The following RGS21 variants were observed in gnomAD, a reference collection of about 807,000 sequenced individuals.
RGS21 encodes the protein regulator of G protein signaling 21.
RGS21 carries 19 observed loss-of-function variants against 18.7 expected under a neutral mutation model. The observed-to-expected ratio is 1.01, with a 90% CI of 0.71 to 1.49. RGS21 has a LOEUF of 1.49. Ranked by LOEUF, RGS21 falls within the 40% of genes most tolerant of loss-of-function variation. The pLI, the probability that RGS21 is intolerant of heterozygous loss-of-function variation, is 0.00. For missense variants in RGS21, 194 were observed against 176.8 expected (o/e 1.10, Z -0.55); for synonymous variants, 56 against 57.8 (o/e 0.97, Z 0.14).
intron 3 of RGS21, among the ~76,000 whole-genome samples, chr1:192,350,146 T>C (rs979040650): frequency 2.7e-4 from 41 of 152,120 alleles, no homozygotes; most frequent in African/African-American, 9.9e-4. Context: ...TTTTATATAG[T>C]GCTCATATAT....
At chr1:192,356,451 G>A (rs1659114012) in intron 4 of RGS21, among the ~76,000 whole-genome samples, 1 of 151,648 alleles carries the variant, frequency 6.6e-6, no homozygotes, top group African/African-American at 2.4e-5. Context: ...CAATACAGTT[G>A]GGTTAAAAAA....
At chr1:192,339,939 A>T (rs1658832314) in intron 1 of RGS21, among the ~76,000 whole-genome samples, 1 of 151,982 alleles carries the variant, frequency 6.6e-6, no homozygotes, top group African/African-American at 2.4e-5. Flanking sequence ...TTGACAAATA[A>T]AACATATATT....
intron 1 of RGS21, among the ~76,000 whole-genome samples, chr1:192,327,498 G>A (rs1033571997): frequency 7.3e-5 from 11 of 151,534 alleles, no homozygotes; most frequent in African/African-American, 2.7e-4. Flanking sequence ...TTGAGACGGA[G>A]GTTCACTCTT....
At position 192,331,238 on chromosome 1, in the gene RGS21, T is replaced by A. The variant is rs192284522; in HGVS notation, c.-60-11739T>A. ...CAAAAAGTTGTAAGTGATCTGATTT[T>A]AAAAAAAAATCTATTTTAAATAAAT... On this transcript the variant is annotated intron_variant, in intron 1 of 4. Transcript: ENST00000417209. 4.8e-3 allele frequency among the ~76,000 whole-genome samples: 728 copies of A among 151,900 alleles called. 4 individuals are homozygous for A. Among genetic ancestry groups the A allele is most frequent in the African/African-American group, 0.016 (666 of 41,414 alleles).
chr1:192,340,908 G>C (rs749150251), intron 1 of RGS21, among the ~76,000 whole-genome samples: 1 of 151,998 alleles, frequency 6.6e-6, no homozygotes, highest in Non-Finnish European at 1.5e-5. Context: ...TCTCCCTCCA[G>C]GTACCTCCCA....
At chr1:192,322,736 C>CCCTTCTAAGACA (rs1247771543) in intron 1 of RGS21, among the ~76,000 whole-genome samples, 3 of 152,062 alleles carry the variant, frequency 2.0e-5, no homozygotes, top group African/African-American at 7.2e-5. Context: ...TATTTGTTCA[C>CCCTTCTAAGACA]CCTTCTAAAA....
At chr1:192,332,985 A>G (rs1053621350) in intron 1 of RGS21, among the ~76,000 whole-genome samples, 2 of 152,104 alleles carry the variant, frequency 1.3e-5, no homozygotes, top group Non-Finnish European at 2.9e-5. Flanking sequence ...AAAAAATAAC[A>G]ACTAACAATT....
At chr1:192,364,222 G>T (rs1308389512) in intron 4 of RGS21, among the ~76,000 whole-genome samples, 1 of 151,990 alleles carries the variant, frequency 6.6e-6, no homozygotes. Context: ...CAGATTTTCA[G>T]GCCTTTAAGA....
At chr1:192,333,284 A>ACACACACT (rs1658687737) in intron 1 of RGS21, among the ~76,000 whole-genome samples, 1 of 151,788 alleles carries the variant, frequency 6.6e-6, no homozygotes, top group Non-Finnish European at 1.5e-5. Context: ...ACACACACAC[A>ACACACACT]CACACACACA....
intron 4 of RGS21, among the ~76,000 whole-genome samples, chr1:192,358,867 C>T (rs1659145185): frequency 6.6e-6 from 1 of 152,038 alleles, no homozygotes; most frequent in East Asian, 1.9e-4. Context: ...TTTCAGTTAA[C>T]AAAAATCACA....
At position 192,366,048 on chromosome 1, in the gene RGS21, T is replaced by C; in HGVS notation, c.383T>C (p.Leu128Pro). 2.5e-6 allele frequency: 4 copies of C among 1,611,952 alleles called. No homozygotes were observed. The highest frequency in any genetic ancestry group is 3.4e-6 in the Non-Finnish European group (4 of 1,178,602). Residue 128 changes from leucine to proline, a missense_variant, in exon 5 of 5, where the codon CTG (leucine) becomes CCG (proline). Coordinates refer to ENST00000417209, the MANE Select transcript of RGS21 (RefSeq NM_001039152.3). ...LMAKDSFPRF[L>P]KSEIYKKLVN... Reference sequence around the variant, plus strand: ...GCCAAGGATTCTTTCCCTCGATTTCTGAAGTCAGAGATTTATAAAAAACTG... The same window carrying C: ...GCCAAGGATTCTTTCCCTCGATTTCCGAAGTCAGAGATTTATAAAAAACTG...
At chr1:192,336,787 T>A (rs869219594) in intron 1 of RGS21, among the ~76,000 whole-genome samples, 2 of 151,522 alleles carry the variant, frequency 1.3e-5, no homozygotes, top group Non-Finnish European at 1.5e-5. Flanking sequence ...TAAAAAAAAA[T>A]GATATGAAAG....
chr1:192,333,074 A>T (rs1395757334), intron 1 of RGS21, among the ~76,000 whole-genome samples: 1 of 152,184 alleles, frequency 6.6e-6, no homozygotes, highest in East Asian at 1.9e-4. Context: ...AAAAGGGTCA[A>T]CATCACGAGC....
intron 4 of RGS21, among the ~76,000 whole-genome samples, chr1:192,358,670 T>C (rs2102237301): frequency 6.6e-6 from 1 of 152,220 alleles, no homozygotes; most frequent in South Asian, 2.1e-4. Flanking sequence ...GCTATCTAAT[T>C]TGAATGTGAG....
At chr1:192,347,782 C>A (rs1288086841) in intron 3 of RGS21, among the ~76,000 whole-genome samples, 1 of 152,084 alleles carries the variant, frequency 6.6e-6, no homozygotes, top group Non-Finnish European at 1.5e-5. Context: ...GACTCAGCCT[C>A]CTGAGTAGCT....
At chr1:192,330,458 C>A (rs901530597) in intron 1 of RGS21, among the ~76,000 whole-genome samples, 2 of 152,086 alleles carry the variant, frequency 1.3e-5, no homozygotes, top group African/African-American at 4.8e-5. Context: ...GAAATAAAAT[C>A]TAGAAAATCA....
At chr1:192,339,201 T>C (rs942865731) in intron 1 of RGS21, among the ~76,000 whole-genome samples, 9 of 150,504 alleles carry the variant, frequency 6.0e-5, no homozygotes, top group Admixed American at 1.3e-4. Context: ...TTGGATGTCA[T>C]ACAATCAAAT....
intron 1 of RGS21, among the ~76,000 whole-genome samples, chr1:192,317,420 A>G (rs573078451): frequency 3.9e-4 from 59 of 151,890 alleles, no homozygotes; most frequent in African/African-American, 1.4e-3. Context: ...TATAGAACCC[A>G]TAGAATTTTA....
At chr1:192,362,018 T>G (rs935178475) in intron 4 of RGS21, among the ~76,000 whole-genome samples, 5 of 152,152 alleles carry the variant, frequency 3.3e-5, no homozygotes, top group Non-Finnish European at 5.9e-5. Context: ...GAATTTTAGA[T>G]GGTGAAACAG....
Sources: gnomAD v4.1 joint callset for allele counts (sites outside exome capture counted in the v4.1 genomes callset) on GRCh38, gnomAD v4.1.1 for gene constraint, MANE v1.5 for transcripts, NCBI Gene and HGNC (gene_info 2026-07-23, HGNC 2026-07-21) for gene names.